PTPRN2: variants seen among roughly 807,000 people sequenced by gnomAD.
The protein encoded by PTPRN2 is protein tyrosine phosphatase receptor type N2.
A neutral mutation model predicts 118.8 loss-of-function variants in PTPRN2; 74 were observed. The observed-to-expected ratio is 0.62, with a 90% CI of 0.52 to 0.76. The LOEUF (loss-of-function observed/expected upper bound fraction) is 0.76. Among genes scored for constraint, PTPRN2 ranks in the 30% least tolerant of loss-of-function variants. PTPRN2 has a pLI of 0.00. For missense variants in PTPRN2, 1,481 were observed against 1,394.4 expected (o/e 1.06, Z -0.99); for synonymous variants, 641 against 608.0 (o/e 1.05, Z -0.80).
intron 1 of PTPRN2, among the ~76,000 whole-genome samples, chr7:158,504,391 C>T (rs1041927108): frequency 6.6e-5 from 10 of 152,190 alleles, no homozygotes; most frequent in African/African-American, 2.2e-4. Context: ...CGTTCCCCCC[C>T]CATGTGTCCA....
chr7:158,285,175 G>A (rs1228953014), intron 3 of PTPRN2, among the ~76,000 whole-genome samples: 1 of 152,128 alleles, frequency 6.6e-6, no homozygotes, highest in Admixed American at 6.5e-5. Context: ...AATGTATCCT[G>A]CCATTGTGAA....
chr7:157,630,538 C>T (rs562500252), intron 14 of PTPRN2, among the ~76,000 whole-genome samples: 72 of 152,318 alleles, frequency 4.7e-4, no homozygotes, highest in African/African-American at 1.7e-3. Flanking sequence ...CTTTGACTTG[C>T]CATGGAATTA....
intron 13 of PTPRN2, among the ~76,000 whole-genome samples, chr7:157,665,018 T>A (rs888893580): frequency 6.6e-6 from 1 of 152,072 alleles, no homozygotes; most frequent in Non-Finnish European, 1.5e-5. Context: ...GCTGAAGGGG[T>A]TAACCGGCAG....
At chr7:157,926,122 G>T (rs1158958435) in intron 11 of PTPRN2, among the ~76,000 whole-genome samples, 3 of 152,262 alleles carry the variant, frequency 2.0e-5, no homozygotes, top group Non-Finnish European at 4.4e-5. Flanking sequence ...CTAAACCACA[G>T]CCACAGGAAG....
chr7:157,720,286 G>A (rs552038662), intron 12 of PTPRN2, among the ~76,000 whole-genome samples: 12 of 152,248 alleles, frequency 7.9e-5, no homozygotes, highest in Admixed American at 6.5e-5. Flanking sequence ...CCATCATGCC[G>A]CGGTGACACT....
intron 4 of PTPRN2, among the ~76,000 whole-genome samples, chr7:158,199,877 G>A (rs909365956): frequency 9.2e-5 from 14 of 152,236 alleles, no homozygotes; most frequent in Admixed American, 8.5e-4. Context: ...AAGCCAACAC[G>A]GTTCCTTATC....
At chr7:158,569,479 A>G (rs1827850944) in intron 1 of PTPRN2, among the ~76,000 whole-genome samples, 1 of 152,236 alleles carries the variant, frequency 6.6e-6, no homozygotes, top group Non-Finnish European at 1.5e-5. Flanking sequence ...GAAGGCTAGG[A>G]GCTCGCGCAC....
chr7:157,762,747 TA>T (rs537774882), intron 12 of PTPRN2, among the ~76,000 whole-genome samples: 40 of 144,166 alleles, frequency 2.8e-4, no homozygotes, highest in East Asian at 1.2e-3. Context: ...AGTATAATAA[TA>T]AAAAAAAAAG....
intron 11 of PTPRN2, among the ~76,000 whole-genome samples, chr7:157,978,034 A>G (rs1054699771): frequency 6.6e-6 from 1 of 152,010 alleles, no homozygotes; most frequent in African/African-American, 2.4e-5. Flanking sequence ...CTAAATACCA[A>G]GGAGTTTTCT....
intron 2 of PTPRN2, among the ~76,000 whole-genome samples, chr7:158,391,014 T>C (rs999142000): frequency 6.6e-6 from 1 of 152,050 alleles, no homozygotes; most frequent in Non-Finnish European, 1.5e-5. Flanking sequence ...CCTCCACTAA[T>C]TCACCACTTC....
At chr7:157,579,542 C>G (rs1800235476) in intron 17 of PTPRN2, among the ~76,000 whole-genome samples, 1 of 152,204 alleles carries the variant, frequency 6.6e-6, no homozygotes, top group African/African-American at 2.4e-5. Context: ...ATACAATGAT[C>G]TAGACCATAA....
At chr7:158,295,028 C>A (rs534451729) in intron 3 of PTPRN2, among the ~76,000 whole-genome samples, 1 of 149,686 alleles carries the variant, frequency 6.7e-6, no homozygotes, top group East Asian at 2.0e-4. Context: ...CATGGTTCAC[C>A]CACCTTTCTG....
chr7:158,275,975 T>C (rs1798934153), intron 3 of PTPRN2, among the ~76,000 whole-genome samples: 1 of 152,164 alleles, frequency 6.6e-6, no homozygotes, highest in Admixed American at 6.5e-5. Flanking sequence ...CGTCTTGCTG[T>C]CAGCATCCCC....
At chr7:157,762,129 C>T (rs955142095) in intron 12 of PTPRN2, among the ~76,000 whole-genome samples, 1 of 152,022 alleles carries the variant, frequency 6.6e-6, no homozygotes, top group African/African-American at 2.4e-5. Context: ...AATAGGAACA[C>T]TTTTACACTG....
intron 22 of PTPRN2, among the ~76,000 whole-genome samples, chr7:157,543,339 C>T (rs959495856): frequency 3.3e-5 from 5 of 152,266 alleles, no homozygotes; most frequent in Non-Finnish European, 1.5e-5. Flanking sequence ...CGGCTTCTTC[C>T]AGTAGAACTG....
chr7:158,153,591 A>T (rs921244890), intron 6 of PTPRN2, among the ~76,000 whole-genome samples: 5 of 152,138 alleles, frequency 3.3e-5, no homozygotes, highest in Non-Finnish European at 7.3e-5. Flanking sequence ...CTGTGAGGGG[A>T]ATAAGGGAAC....
chr7:157,974,115 G>A lies in PTPRN2; in HGVS notation c.1724-75378C>T, dbSNP rs1180422131. On this transcript the variant is annotated intron_variant, in intron 11 of 22. Coordinates refer to ENST00000389418, the MANE Select transcript of PTPRN2 (RefSeq NM_002847.5). The surrounding 1 kb of genome is among the most constrained non-coding windows in gnomAD (Gnocchi z 4.0). Reference sequence around the variant, plus strand: ...TGCCTGACTTGCACTGCTGGACGGTGGGTTGGCGGTGTTGACGCTGCACAG... The same window carrying A: ...TGCCTGACTTGCACTGCTGGACGGTAGGTTGGCGGTGTTGACGCTGCACAG... Among the ~76,000 whole-genome samples, 7 of 152,174 alleles carry A rather than the reference G, an allele frequency of 4.6e-5. No individual in the cohort carries two copies. Among genetic ancestry groups the A allele is most frequent in the Non-Finnish European group, 8.8e-5 (6 of 68,024 alleles).
At chr7:158,205,647 T>A (rs1367187809) in intron 3 of PTPRN2, among the ~76,000 whole-genome samples, 1 of 152,068 alleles carries the variant, frequency 6.6e-6, no homozygotes, top group African/African-American at 2.4e-5. Flanking sequence ...CAGTACCTGG[T>A]TTTAACTCCA....
At chr7:157,733,491 CTT>C (rs1210357251) in intron 12 of PTPRN2, among the ~76,000 whole-genome samples, 1 of 51,104 alleles carries the variant, frequency 2.0e-5, no homozygotes. Flanking sequence ...CACAGTTACT[CTT>C]TTCCGTCCCA....
Sources: allele counts gnomAD v4.1 joint callset (sites outside exome capture counted in the v4.1 genomes callset), GRCh38; gene constraint gnomAD v4.1.1; non-coding constraint Gnocchi (gnomAD v3.1); transcripts MANE v1.5; gene names NCBI Gene and HGNC (gene_info 2026-07-23, HGNC 2026-07-21).